Variants in TAFA1 observed in about 807,000 individuals in gnomAD.
The protein encoded by TAFA1 is chemokine-like protein TAFA-1.
Under a neutral mutation model 18.5 loss-of-function variants are expected in TAFA1, and 4 were observed. The observed-to-expected ratio is 0.22, with a 90% CI of 0.11 to 0.49. The LOEUF (loss-of-function observed/expected upper bound fraction) is 0.49, where lower values mean the gene tolerates loss of function less well. Ranked by LOEUF, TAFA1 falls within the 20% of genes least tolerant of loss-of-function variation. The probability of loss-of-function intolerance (pLI) is 0.98; values close to 1 mark genes in which losing one functional copy is unlikely to be tolerated. For missense variants in TAFA1, 147 were observed against 169.0 expected (o/e 0.87, Z 0.72); for synonymous variants, 56 against 55.2 (o/e 1.01, Z -0.06).
In TAFA1 at chr3:68,335,630, T is replaced by C. The variant is rs191523354; in HGVS notation, c.119-81650T>C. ...TATCCTATAAAATATAAGGCATGTTTTTATACACATATACGTAATGGTATC... is the reference window on the plus strand; with the variant it reads ...TATCCTATAAAATATAAGGCATGTTCTTATACACATATACGTAATGGTATC... On this transcript the variant is annotated intron_variant, in intron 2 of 4. Coordinates refer to ENST00000478136, the MANE Select transcript of TAFA1 (RefSeq NM_213609.4). Among the ~76,000 whole-genome samples, 805 of 152,350 alleles carry C rather than the reference T, an allele frequency of 5.3e-3. 4 individuals carry two copies. The highest frequency in any genetic ancestry group is 0.019 in the African/African-American group (777 of 41,590).
At chr3:68,060,163 C>T (rs116226459) in intron 2 of TAFA1, among the ~76,000 whole-genome samples, 2 of 152,006 alleles carry the variant, frequency 1.3e-5, no homozygotes, top group Admixed American at 6.6e-5. Context: ...GCCTCATCAC[C>T]TCAAAAGTCC....
rs1263542612 is a variant in TAFA1, at chr3:68,462,097, G to A, written c.259+44677G>A. On this transcript the variant is annotated intron_variant, in intron 3 of 4. Transcript: ENST00000478136. ...CAATGGCAGATAAAAAAGACAAAAA[G>A]CTTAGAAGATTTTTGGCTTTTTATT... is the stretch of plus-strand genomic sequence containing the variant. 2.6e-5 allele frequency among the ~76,000 whole-genome samples: 4 copies of A among 152,028 alleles called. No homozygotes were observed. In the East Asian group the frequency reaches 7.8e-4, roughly 29 times the overall value.
chr3:68,020,635 T>A (rs922174868), intron 2 of TAFA1, among the ~76,000 whole-genome samples: 1 of 152,164 alleles, frequency 6.6e-6, no homozygotes, highest in Non-Finnish European at 1.5e-5. Flanking sequence ...TTTTATTATA[T>A]GAAAAGATGC....
intron 2 of TAFA1, among the ~76,000 whole-genome samples, chr3:68,220,278 G>C (rs918245038): frequency 7.9e-5 from 12 of 152,102 alleles, no homozygotes; most frequent in African/African-American, 2.9e-4. Flanking sequence ...GCAAAACAAG[G>C]CTGAATGAAG....
intron 2 of TAFA1, among the ~76,000 whole-genome samples, chr3:68,020,745 A>G (rs1221662279): frequency 6.6e-6 from 1 of 152,166 alleles, no homozygotes; most frequent in Non-Finnish European, 1.5e-5. Context: ...CATGATATAG[A>G]TTTTTATGGT....
At position 68,490,362 on chromosome 3, in the gene TAFA1, A is replaced by T. The variant is rs117075875; in HGVS notation, c.260-48394A>T. 8.7e-4 allele frequency among the ~76,000 whole-genome samples: 133 copies of T among 152,208 alleles called. 1 individual carries two copies. The East Asian group carries it at 0.024, about 28-fold the overall frequency. The stretch of plus-strand genomic sequence containing the variant: ...AGGTTTCAGAGAAATATTGCAACTA[A>T]ATTTTAAGAAACTACTATATTTTGA... On this transcript the variant is annotated intron_variant, in intron 3 of 4. Coordinates refer to ENST00000478136, the MANE Select transcript of TAFA1 (RefSeq NM_213609.4).
chr3:68,184,776 T>C (rs1023749864), intron 2 of TAFA1, among the ~76,000 whole-genome samples: 2 of 152,132 alleles, frequency 1.3e-5, no homozygotes, highest in South Asian at 4.1e-4. Context: ...CTGCCATATG[T>C]ATAGATTTAA....
At position 68,080,214 on chromosome 3, in the gene TAFA1, C is replaced by A. The variant is rs191957952; in HGVS notation, c.118+73470C>A. Among the ~76,000 whole-genome samples, 20 of 152,226 alleles carry A rather than the reference C, an allele frequency of 1.3e-4. No individual in the cohort carries two copies. The South Asian group carries it at 3.7e-3, about 28-fold the overall frequency. On this transcript the variant is annotated intron_variant, in intron 2 of 4. Transcript: ENST00000478136. ...TTTTGAGCCTATGTGTGTCTCTGCA[C>A]GTGAGATGGATTTCCTGAATACAGC...
At chr3:67,992,986 T>G in the TAFA1 span, among the ~76,000 whole-genome samples, 1 of 152,228 alleles carries the variant, frequency 6.6e-6, no homozygotes, top group Non-Finnish European at 1.5e-5. Context: ...GTGACCAACC[T>G]GATGATCAGA....
chr3:68,273,746 C>A (rs566748354), intron 2 of TAFA1, among the ~76,000 whole-genome samples: 1 of 152,114 alleles, frequency 6.6e-6, no homozygotes, highest in Non-Finnish European at 1.5e-5. Flanking sequence ...GTAGAGACAA[C>A]GGTGAGCTAA....
chr3:68,277,851 T>C (rs2067824452), intron 2 of TAFA1, among the ~76,000 whole-genome samples: 1 of 152,176 alleles, frequency 6.6e-6, no homozygotes, highest in African/African-American at 2.4e-5. Context: ...CTCAACAATA[T>C]ATCGTGACAA....
chr3:68,088,487 C>T (rs564984493), intron 2 of TAFA1, among the ~76,000 whole-genome samples: 60 of 152,310 alleles, frequency 3.9e-4, no homozygotes, highest in African/African-American at 1.4e-3. Context: ...CTTTGGAGGT[C>T]ATCAAATATT....
chr3:68,349,874 A>G (rs1271826356), intron 2 of TAFA1, among the ~76,000 whole-genome samples: 1 of 152,122 alleles, frequency 6.6e-6, no homozygotes, highest in Middle Eastern at 3.2e-3. Flanking sequence ...CTGGGTCCGT[A>G]TTCACCATAA....
At chr3:67,993,191 C>G in the TAFA1 span, among the ~76,000 whole-genome samples, 1 of 152,218 alleles carries the variant, frequency 6.6e-6, no homozygotes, top group Admixed American at 6.5e-5. Flanking sequence ...TACTTCATAG[C>G]CAATTTCCCT....
intron 2 of TAFA1, among the ~76,000 whole-genome samples, chr3:68,105,407 A>G (rs1399300630): frequency 6.6e-6 from 1 of 152,168 alleles, no homozygotes; most frequent in Non-Finnish European, 1.5e-5. Flanking sequence ...TCAGCCAGTT[A>G]AACAAACATG....
chr3:68,410,024 T>C (rs1052821391), intron 2 of TAFA1, among the ~76,000 whole-genome samples: 24 of 152,210 alleles, frequency 1.6e-4, no homozygotes, highest in South Asian at 6.2e-4. Flanking sequence ...CAGTGATGCA[T>C]TGAGCTGGGA....
chr3:68,526,401 A>G (rs1029962653), intron 3 of TAFA1, among the ~76,000 whole-genome samples: 2 of 152,158 alleles, frequency 1.3e-5, no homozygotes, highest in Non-Finnish European at 1.5e-5. Context: ...ATACCTTACA[A>G]TCAGTGTACA....
intron 2 of TAFA1, among the ~76,000 whole-genome samples, chr3:68,237,550 A>G (rs921851110): frequency 1.4e-4 from 22 of 152,162 alleles, no homozygotes; most frequent in African/African-American, 4.8e-4. Context: ...GTATGAATTC[A>G]TGTTTTCATG....
At chr3:68,462,511 A>T (rs1163558979) in intron 3 of TAFA1, among the ~76,000 whole-genome samples, 1 of 152,130 alleles carries the variant, frequency 6.6e-6, no homozygotes, top group African/African-American at 2.4e-5. Context: ...GAGTCAATTA[A>T]ACCTCTTTCC....
Sources: allele counts gnomAD v4.1 joint callset (sites outside exome capture counted in the v4.1 genomes callset), GRCh38; gene constraint gnomAD v4.1.1; transcripts MANE v1.5; gene names NCBI Gene and HGNC (gene_info 2026-07-23, HGNC 2026-07-21).